PPP2R3A: variants seen among roughly 807,000 people sequenced by gnomAD.
PPP2R3A encodes protein phosphatase 2 regulatory subunit B''alpha, also known as serine/threonine-protein phosphatase 2A regulatory subunit B'' subunit alpha.
PPP2R3A carries 80 observed loss-of-function variants against 106.9 expected under a neutral mutation model. The observed-to-expected ratio is 0.75, with a 90% CI of 0.62 to 0.90. PPP2R3A has a LOEUF of 0.90. PPP2R3A is among the 40% of genes least tolerant of loss of function. PPP2R3A has a pLI of 0.00. For missense variants in PPP2R3A, 1,386 were observed against 1,350.4 expected (o/e 1.03, Z -0.41); for synonymous variants, 483 against 468.3 (o/e 1.03, Z -0.41).
chr3:136,125,111 G>A (rs758984087), intron 13 of PPP2R3A, among the ~76,000 whole-genome samples: 5 of 152,034 alleles, frequency 3.3e-5, no homozygotes, highest in South Asian at 2.1e-4. Flanking sequence ...ACCAGAGGTC[G>A]GGAGTTCGAG....
At chr3:136,008,431 A>AT (rs1400946018) in intron 2 of PPP2R3A, among the ~76,000 whole-genome samples, 1 of 152,204 alleles carries the variant, frequency 6.6e-6, no homozygotes, top group Non-Finnish European at 1.5e-5. Flanking sequence ...AATTTGTGGA[A>AT]TGAGCCCAAC....
chr3:136,132,062 T>A (rs1938448571), intron 13 of PPP2R3A, among the ~76,000 whole-genome samples: 1 of 151,950 alleles, frequency 6.6e-6, no homozygotes, highest in African/African-American at 2.4e-5. Context: ...ATACCTAATG[T>A]AAATGATGAG....
At chr3:136,055,382 C>A in intron 5 of PPP2R3A, 6 of 970,560 alleles carry the variant, frequency 6.2e-6, no homozygotes, top group Non-Finnish European at 1.0e-5. Flanking sequence ...ACAGGTAGGA[C>A]TTCCTCTGAC....
chr3:136,099,407 A>T (rs1040210102), intron 10 of PPP2R3A, among the ~76,000 whole-genome samples: 24 of 152,290 alleles, frequency 1.6e-4, no homozygotes, highest in Non-Finnish European at 2.1e-4. Context: ...AAAATAAAAC[A>T]TTACAAGAAA....
In PPP2R3A at chr3:136,147,577, A is replaced by G. The variant is rs1939188125; in HGVS notation, c.*2411A>G. The G allele has an allele frequency of 6.6e-6, 1 of 152,614 alleles. No individual in the cohort carries two copies. Among genetic ancestry groups the G allele is most frequent in the Admixed American group, 6.5e-5 (1 of 15,280 alleles). The allele number at this position is 152,614 out of a possible 1,614,324, so 9.5% of individuals were successfully genotyped here. On this transcript the variant is annotated 3_prime_UTR_variant, in exon 14 of 14. Coordinates refer to ENST00000264977, the MANE Select transcript of PPP2R3A (RefSeq NM_002718.5). ...GTAAAGATCATGGTTAAGTATAATC[A>G]TTACTGCCAAACTGGAATTTTCAAG...
chr3:135,986,188 TGAA>T (rs1277738937), intron 1 of PPP2R3A, among the ~76,000 whole-genome samples: 2 of 152,012 alleles, frequency 1.3e-5, no homozygotes, highest in East Asian at 3.9e-4. Flanking sequence ...TAAAGGAAGT[TGAA>T]GAAAGCTGTA....
intron 13 of PPP2R3A, among the ~76,000 whole-genome samples, chr3:136,138,963 G>A (rs1296160066): frequency 6.6e-6 from 1 of 151,738 alleles, no homozygotes. Flanking sequence ...TGCCCACATT[G>A]GCCTCCCCCA....
chr3:136,010,185 C>G (rs1006445384), intron 2 of PPP2R3A, among the ~76,000 whole-genome samples: 1 of 151,906 alleles, frequency 6.6e-6, no homozygotes, highest in Non-Finnish European at 1.5e-5. Context: ...TAAATATCTT[C>G]TCCCTTTCCT....
At chr3:136,068,115 G>T (rs1936318143) in intron 5 of PPP2R3A, among the ~76,000 whole-genome samples, 1 of 152,098 alleles carries the variant, frequency 6.6e-6, no homozygotes, top group Non-Finnish European at 1.5e-5. Flanking sequence ...CTACTCAGGG[G>T]GCTGAGGAAG....
intron 4 of PPP2R3A, among the ~76,000 whole-genome samples, chr3:136,048,458 G>T (rs979753085): frequency 6.6e-6 from 1 of 152,112 alleles, no homozygotes; most frequent in Non-Finnish European, 1.5e-5. Flanking sequence ...GGATCACAAG[G>T]TCAGGAGATC....
At chr3:136,035,829 T>C (rs1391233638) in intron 3 of PPP2R3A, among the ~76,000 whole-genome samples, 1 of 152,348 alleles carries the variant, frequency 6.6e-6, no homozygotes, top group Non-Finnish European at 1.5e-5. Flanking sequence ...TTTCCAAACT[T>C]TAAATTTCTC....
At chr3:136,140,079 T>G (rs1394168897) in intron 13 of PPP2R3A, among the ~76,000 whole-genome samples, 5 of 151,890 alleles carry the variant, frequency 3.3e-5, no homozygotes, top group African/African-American at 1.2e-4. Context: ...GTGAACCCTG[T>G]GAGTTCTGCT....
chr3:136,079,599 G>A (rs932238920), intron 7 of PPP2R3A, among the ~76,000 whole-genome samples: 2 of 151,498 alleles, frequency 1.3e-5, no homozygotes, highest in Non-Finnish European at 2.9e-5. Flanking sequence ...AGTAGAAATG[G>A]GATTTCACTG....
At chr3:136,138,306 G>A (rs1301322867) in intron 13 of PPP2R3A, among the ~76,000 whole-genome samples, 4 of 152,054 alleles carry the variant, frequency 2.6e-5, no homozygotes, top group Non-Finnish European at 5.9e-5. Flanking sequence ...TTCAGACCGC[G>A]TCCTTCCAGT....
chr3:136,121,969 T>C (rs1040313046), intron 13 of PPP2R3A, among the ~76,000 whole-genome samples: 2 of 152,212 alleles, frequency 1.3e-5, no homozygotes, highest in South Asian at 2.1e-4. Flanking sequence ...TTTAAAAATA[T>C]ATTTTAAGAT....
At position 136,049,318 on chromosome 3, in the gene PPP2R3A, A is replaced by C. The variant is rs905735186; in HGVS notation, c.2426A>C (p.Asn809Thr). 6.2e-7 allele frequency: 1 copy of C among 1,613,792 alleles called. No homozygotes were observed. Among genetic ancestry groups the C allele is most frequent in the East Asian group, 2.2e-5 (1 of 44,866 alleles). Residue 809 changes from asparagine (N) to threonine (T), a missense_variant, in exon 5 of 14, where the codon AAC becomes ACC. Transcript: ENST00000264977. The part of the protein sequence containing the change: ...SKFICLLAKP[N>T]CSSLEQEDFI... ...TTCATCTGTCTTCTAGCAAAGCCCA[A>C]CTGCAGCTCTCTAGAACAGGAGGAT...
rs548713428 is a variant in PPP2R3A, at chr3:136,113,922, AAAAC to A, written c.3329+7604_3329+7607del. On this transcript the variant is annotated intron_variant, in intron 13 of 13. Transcript: ENST00000264977. ...GAAGTCTCCAAAAGCATCTGCAACA[AAAAC>A]AAAAGTAGACAAGTGGGGCCTAATT... Among the ~76,000 whole-genome samples, 85 of 152,340 alleles carry A rather than the reference AAAAC, an allele frequency of 5.6e-4. 1 individual carries two copies. The South Asian group carries it at 7.0e-3, about 13-fold the overall frequency.
intron 10 of PPP2R3A, among the ~76,000 whole-genome samples, chr3:136,098,007 TACCTC>T (rs1277530858): frequency 6.6e-6 from 1 of 152,254 alleles, no homozygotes; most frequent in African/African-American, 2.4e-5. Context: ...GCCAACCTAT[TACCTC>T]ACATTCATTA....
chr3:136,014,156 T>C (rs1177879255), intron 2 of PPP2R3A, among the ~76,000 whole-genome samples: 3 of 152,130 alleles, frequency 2.0e-5, no homozygotes, highest in Non-Finnish European at 4.4e-5. Flanking sequence ...TTGTAAGTAT[T>C]TGGCTTTATT....
Sources: gnomAD v4.1 joint callset for allele counts (sites outside exome capture counted in the v4.1 genomes callset) on GRCh38, gnomAD v4.1.1 for gene constraint, MANE v1.5 for transcripts, NCBI Gene and HGNC (gene_info 2026-07-23, HGNC 2026-07-21) for gene names.